The following NLRC4 variants were observed in gnomAD, a reference collection of about 807,000 sequenced individuals.
The protein encoded by NLRC4 is NLR family CARD domain containing 4, also known as NLR family CARD domain-containing protein 4.
Under a neutral mutation model 79.9 loss-of-function variants are expected in NLRC4, and 63 were observed. The observed-to-expected ratio is 0.79, with a 90% CI of 0.64 to 0.97. The LOEUF (loss-of-function observed/expected upper bound fraction) is 0.97. Ranked by LOEUF, NLRC4 falls within the 50% of genes least tolerant of loss-of-function variation. The pLI, the probability that NLRC4 is intolerant of heterozygous loss-of-function variation, is 0.00. For synonymous variants in NLRC4, 461 were observed against 456.5 expected (o/e 1.01, Z -0.12); for missense variants, 1,074 against 1,215.2 (o/e 0.88, Z 1.73).
At position 32,250,260 on chromosome 2, in the gene NLRC4, T is replaced by G; in HGVS notation, c.1604A>C (p.Gln535Pro). 6.2e-7 allele frequency: 1 copy of G among 1,614,224 alleles called. No homozygotes were observed. The highest frequency in any genetic ancestry group is 8.5e-7 in the Non-Finnish European group (1 of 1,180,040). Residue 535 changes from glutamine (Q) to proline (P), a missense_variant, in exon 4 of 9, where the codon CAA becomes CCA. By Grantham distance (76) the Gln-to-Pro change is moderately conservative. Transcript: ENST00000402280. The surrounding 1 kb of genome is among the most constrained non-coding windows in gnomAD (Gnocchi z 4.9). ...TTGCTCAGTGGTGTTTTTCACACTT[T>G]GCAAAGATTCCTGTCTCCAGAGAGG... ...KRPLWRQESL[Q>P]SVKNTTEQEI...
intron 5 of NLRC4, 70 bp from the exon 6 acceptor site, chr2:32,238,372 G>T: frequency 7.7e-7 from 1 of 1,297,614 alleles, no homozygotes. Context: ...TTAATGAACT[G>T]AAAAGAAAGC....
At chr2:32,224,828 G>A (rs1476167305) in intron 8 of NLRC4, 63 bp from the exon 9 acceptor site, 4 of 919,800 alleles carry the variant, frequency 4.3e-6, no homozygotes, top group East Asian at 5.4e-5. Context: ...AAGAGAAATA[G>A]GTTCTACATT....
At position 32,250,996 on chromosome 2, in the gene NLRC4, A is replaced by G. The variant is rs1263371156; in HGVS notation, c.868T>C (p.Phe290Leu). 1.2e-6 allele frequency: 2 copies of G among 1,613,952 alleles called. No homozygotes were observed. Among genetic ancestry groups the G allele is most frequent in the Non-Finnish European group, 1.7e-6 (2 of 1,180,000 alleles). ...TTECLRHIRQ[F>L]GALTAEVGDM... ...CCCACCTCAGCAGTCAGGGCACCAA[A>G]CTGCCGTATGTGCCTCAGGCACTCA... The change falls in exon 4 of 9, where the codon TTT becomes CTT. Residue 290 changes from phenylalanine to leucine, a missense_variant. Coordinates refer to ENST00000402280, the MANE Select transcript of NLRC4 (RefSeq NM_001199138.2). The surrounding 1 kb of genome is among the most constrained non-coding windows in gnomAD (Gnocchi z 4.9).
intron 8 of NLRC4, among the ~76,000 whole-genome samples, chr2:32,232,105 A>T (rs1686552005): frequency 6.6e-6 from 1 of 152,168 alleles, no homozygotes; most frequent in African/African-American, 2.4e-5. Context: ...GAGGAATATC[A>T]TAGAGGTAAA....
chr2:32,225,589 C>T lies in NLRC4; in HGVS notation c.2783-824G>A, dbSNP rs1324740326. ...ATCATACAGATTGGCCAGTATACAA[C>T]ATTAGGATTTCACAAAACTAGCTCT... On this transcript the variant is annotated intron_variant, in intron 8 of 8. Transcript: ENST00000402280. 2.6e-5 allele frequency among the ~76,000 whole-genome samples: 4 copies of T among 152,138 alleles called. No homozygotes were observed. The East Asian group carries it at 7.7e-4, about 29-fold the overall frequency.
At chr2:32,238,066 A>G (rs981199920) in intron 6 of NLRC4, 66 bp downstream of exon 6, 2 of 1,138,328 alleles carry the variant, frequency 1.8e-6, no homozygotes, top group Non-Finnish European at 2.5e-6. Flanking sequence ...TTTAGTGTGA[A>G]TTAGTATAAT....
intron 7 of NLRC4, 62 bp downstream of exon 7, chr2:32,236,185 G>T: frequency 9.9e-7 from 1 of 1,008,024 alleles, no homozygotes; most frequent in Non-Finnish European, 1.5e-6. Flanking sequence ...CCCAGGCTAT[G>T]TATTTCGACT....
chr2:32,235,469 T>C lies in NLRC4; in HGVS notation c.2714A>G (p.Glu905Gly), dbSNP rs774924596. 42 of 1,614,126 alleles carry C rather than the reference T, an allele frequency of 2.6e-5. No individual in the cohort carries two copies. Among genetic ancestry groups the C allele is most frequent in the Non-Finnish European group, 3.3e-5 (39 of 1,179,950 alleles). The change falls in exon 8 of 9, where the codon GAG (glutamate) becomes GGG (glycine). Residue 905 changes from glutamate (E) to glycine (G), a missense_variant. By Grantham distance (98) the Glu-to-Gly change is moderately conservative. Coordinates refer to ENST00000402280, the MANE Select transcript of NLRC4 (RefSeq NM_001199138.2). ...SLSSLLKHLE[E>G]VPQLVKLGLK... Reference sequence around the variant, plus strand: ...CCCAAGCTTGACGAGTTGTGGGACCTCCTCCAAATGTTTCAACAGGCTGCT... The same window carrying C: ...CCCAAGCTTGACGAGTTGTGGGACCCCCTCCAAATGTTTCAACAGGCTGCT...
Position 32,251,505 on chromosome 2 carries a change from A to G in NLRC4, c.359T>C (p.Leu120Pro). The change falls in exon 4 of 9, where the codon CTT becomes CCT. Residue 120 changes from leucine (L) to proline (P), a missense_variant. Physicochemically the swap from Leu to Pro is moderately conservative, Grantham distance 98 (BLOSUM62 -3). Transcript: ENST00000402280. The part of the protein sequence containing the change: ...HTPSFLNFYP[L>P]GEDIDIIFNL... ...AAAAATAATGTCAATATCTTCACCA[A>G]GGGGATAAAAGTTCAGAAAAGATGG... 3 of 1,614,056 alleles carry G rather than the reference A, an allele frequency of 1.9e-6. No individual in the cohort carries two copies. Among genetic ancestry groups the G allele is most frequent in the Non-Finnish European group, 2.5e-6 (3 of 1,179,892 alleles).
chr2:32,255,946 G>A (rs1269320079), intron 2 of NLRC4, among the ~76,000 whole-genome samples: 1 of 151,522 alleles, frequency 6.6e-6, no homozygotes, highest in Non-Finnish European at 1.5e-5. Flanking sequence ...CCCAGGAGGT[G>A]GAGGTTGCAG....
At chr2:32,257,605 T>G (rs970360441) in intron 1 of NLRC4, among the ~76,000 whole-genome samples, 6 of 89,806 alleles carry the variant, frequency 6.7e-5, no homozygotes, top group Non-Finnish European at 1.3e-4. Context: ...AGACTCTGCC[T>G]CAAAAAGAAA....
At chr2:32,235,368 C>T (rs770919789) in intron 8 of NLRC4, 33 bp downstream of exon 8, 22 of 1,547,632 alleles carry the variant, frequency 1.4e-5, no homozygotes, top group Non-Finnish European at 1.8e-5. Flanking sequence ...AGGGCCAAAT[C>T]CAGTTATCTT....
At chr2:32,262,067 G>A (rs562824389) in intron 1 of NLRC4, among the ~76,000 whole-genome samples, 5 of 152,138 alleles carry the variant, frequency 3.3e-5, no homozygotes, top group South Asian at 2.1e-4. Context: ...GTGACAGAGC[G>A]AGACTCTGGG....
intron 4 of NLRC4, among the ~76,000 whole-genome samples, chr2:32,245,288 G>A (rs1234260190): frequency 7.0e-6 from 1 of 143,408 alleles, no homozygotes; most frequent in Non-Finnish European, 1.5e-5. Context: ...CCCAGCCTGG[G>A]CGACAGAGTG....
rs754559711 is a variant in NLRC4, at chr2:32,251,608, G to C, written c.263-7C>G. On this transcript the variant is annotated splice_region_variant and splice_polypyrimidine_tract_variant and intron_variant, in intron 3 of 8. Coordinates refer to ENST00000402280, the MANE Select transcript of NLRC4 (RefSeq NM_001199138.2). ...GATGTCTGATGAAAAAGACCTATTA[G>C]AGAAGAGGTGATGTTAAAGAAGACC... 39 of 1,564,974 alleles carry C rather than the reference G, an allele frequency of 2.5e-5. No individual in the cohort carries two copies. The Middle Eastern group carries it at 1.0e-3, about 42-fold the overall frequency.
At chr2:32,242,539 T>A (rs1686830613) in intron 4 of NLRC4, among the ~76,000 whole-genome samples, 1 of 152,198 alleles carries the variant, frequency 6.6e-6, no homozygotes, top group Non-Finnish European at 1.5e-5. Context: ...GGAAAAGACA[T>A]CTGTAGGCAC....
At chr2:32,240,155 A>G (rs1302982873) in intron 5 of NLRC4, among the ~76,000 whole-genome samples, 1 of 151,798 alleles carries the variant, frequency 6.6e-6, no homozygotes, top group East Asian at 1.9e-4. Flanking sequence ...TAATTTTTGT[A>G]TTTTTAGTAG....
At chr2:32,246,279 G>A (rs879642407) in intron 4 of NLRC4, among the ~76,000 whole-genome samples, 6 of 152,162 alleles carry the variant, frequency 3.9e-5, no homozygotes, top group African/African-American at 1.4e-4. Flanking sequence ...CAGCACATAG[G>A]TGATCACTTT....
At chr2:32,262,092 AAAAG>A (rs1248639072) in intron 1 of NLRC4, among the ~76,000 whole-genome samples, 3 of 152,152 alleles carry the variant, frequency 2.0e-5, no homozygotes, top group Non-Finnish European at 2.9e-5. Context: ...AAAAAAGAAA[AAAAG>A]AAAGAAAGAA....
Sources: allele counts gnomAD v4.1 joint callset (sites outside exome capture counted in the v4.1 genomes callset), GRCh38; gene constraint gnomAD v4.1.1; non-coding constraint Gnocchi (gnomAD v3.1); transcripts MANE v1.5; gene names NCBI Gene and HGNC (gene_info 2026-07-23, HGNC 2026-07-21).